The following PALM2AKAP2 variants were observed in gnomAD, a reference collection of about 807,000 sequenced individuals.
The protein encoded by PALM2AKAP2 is PALM2-AKAP2 fusion protein.
PALM2AKAP2 carries 37 observed loss-of-function variants against 71.5 expected under a neutral mutation model. The observed-to-expected ratio is 0.52, with a 90% CI of 0.40 to 0.68. PALM2AKAP2 has a LOEUF of 0.68. Ranked by LOEUF, PALM2AKAP2 falls within the 30% of genes least tolerant of loss-of-function variation. The probability of loss-of-function intolerance (pLI) is 0.00; values close to 1 mark genes in which losing one functional copy is unlikely to be tolerated. For synonymous variants in PALM2AKAP2, 468 were observed against 478.8 expected, an observed-to-expected ratio of 0.98 and a Z score of 0.29; for missense variants, 1,224 against 1,191.8, an observed-to-expected ratio of 1.03 and a Z score of -0.40.
At chr9:109,774,678 C>G (rs1412316788) in intron 1 of PALM2AKAP2, among the ~76,000 whole-genome samples, 1 of 150,914 alleles carries the variant, frequency 6.6e-6, no homozygotes, top group Non-Finnish European at 1.5e-5. Flanking sequence ...AAAAAAAAAG[C>G]CTACATAAAA....
intron 6 of PALM2AKAP2, among the ~76,000 whole-genome samples, chr9:110,011,014 A>AAAAAAAAAAAAT (rs35212981): frequency 2.9e-4 from 20 of 69,582 alleles, no homozygotes; most frequent in African/African-American, 1.6e-3. Context: ...AAAAAAAAAA[A>AAAAAAAAAAAAT]ATATATATAT....
At chr9:109,799,202 G>A (rs1827349969) in intron 1 of PALM2AKAP2, among the ~76,000 whole-genome samples, 1 of 152,270 alleles carries the variant, frequency 6.6e-6, no homozygotes, top group Admixed American at 6.5e-5. Flanking sequence ...GTGTCAGGAA[G>A]TGATGTGAAG....
intron 1 of PALM2AKAP2, among the ~76,000 whole-genome samples, chr9:109,840,083 G>T (rs149734770): frequency 1.3e-5 from 2 of 152,186 alleles, no homozygotes; most frequent in African/African-American, 4.8e-5. Context: ...AAGAACAAAG[G>T]TGGAGGCATC....
At chr9:109,792,456 T>C (rs1478754357) in intron 1 of PALM2AKAP2, among the ~76,000 whole-genome samples, 1 of 152,152 alleles carries the variant, frequency 6.6e-6, no homozygotes, top group African/African-American at 2.4e-5. Context: ...TGTACAGCTC[T>C]CTCAATTTGA....
chr9:109,796,449 G>C (rs976713095), intron 1 of PALM2AKAP2, among the ~76,000 whole-genome samples: 3 of 152,160 alleles, frequency 2.0e-5, no homozygotes, highest in Non-Finnish European at 4.4e-5. Flanking sequence ...GAATGTAAGT[G>C]ATATTTTGAG....
chr9:109,757,395 T>C (rs964159575), intron 1 of PALM2AKAP2, among the ~76,000 whole-genome samples: 5 of 152,116 alleles, frequency 3.3e-5, no homozygotes, highest in African/African-American at 4.8e-5. Context: ...ATAAAAGCCT[T>C]TGATGCCTGG....
chr9:109,837,808 C>A (rs1233379427), intron 1 of PALM2AKAP2, among the ~76,000 whole-genome samples: 1 of 152,162 alleles, frequency 6.6e-6, no homozygotes, highest in Non-Finnish European at 1.5e-5. Flanking sequence ...GTAAAGGGAT[C>A]AATTCAACAA....
At chr9:109,813,863 C>T (rs12003677) in intron 1 of PALM2AKAP2, among the ~76,000 whole-genome samples, 65,144 of 152,070 alleles carry the variant, frequency 0.43, 16,573 homozygotes, top group African/African-American at 0.71. Context: ...GGCAGTGTAA[C>T]ACACCACGCC....
chr9:109,747,741 C>T lies in PALM2AKAP2; in HGVS notation c.6-32747C>T, dbSNP rs571255468. Among the ~76,000 whole-genome samples the T allele has an allele frequency of 2.2e-4, 33 of 152,192 alleles. No homozygotes were observed. The South Asian group carries it at 6.4e-3, about 30-fold the overall frequency. On this transcript the variant is annotated intron_variant, in intron 1 of 6. Coordinates refer to the PALM2AKAP2 transcript ENST00000374531. ...TTGGAGTACAGTGGCATGATCTCGG[C>T]TCACTGCAACCTCCACATCCCAGAC...
At chr9:109,909,552 A>G (rs1830524126) in intron 3 of PALM2AKAP2, among the ~76,000 whole-genome samples, 1 of 152,212 alleles carries the variant, frequency 6.6e-6, no homozygotes, top group Admixed American at 6.5e-5. Flanking sequence ...TGAAAAAGTG[A>G]TGGTAATTAT....
At chr9:109,870,286 T>G (rs1425681930) in intron 2 of PALM2AKAP2, among the ~76,000 whole-genome samples, 2 of 152,220 alleles carry the variant, frequency 1.3e-5, no homozygotes, top group Non-Finnish European at 2.9e-5. Flanking sequence ...AAGGAATATG[T>G]TTCACTTTAA....
intron 6 of PALM2AKAP2, chr9:109,945,354 T>C (rs1409536905): frequency 6.6e-6 from 1 of 152,216 alleles, no homozygotes; most frequent in African/African-American, 2.4e-5. Context: ...TGGTTTTGAA[T>C]AACTGAGGGA....
intron 6 of PALM2AKAP2, among the ~76,000 whole-genome samples, chr9:110,009,105 T>C (rs908593284): frequency 2.0e-5 from 3 of 152,104 alleles, no homozygotes; most frequent in Admixed American, 1.3e-4. Context: ...CGAGAGCAAA[T>C]TTCCACTCTC....
chr9:109,794,224 G>A (rs961929339), intron 1 of PALM2AKAP2, among the ~76,000 whole-genome samples: 6 of 152,056 alleles, frequency 3.9e-5, no homozygotes, highest in African/African-American at 1.4e-4. Context: ...TATATCCTTT[G>A]CTATCTAAGC....
chr9:109,654,514 CT>C (rs1276719961), intron 1 of PALM2AKAP2, among the ~76,000 whole-genome samples: 5 of 152,204 alleles, frequency 3.3e-5, no homozygotes, highest in African/African-American at 9.7e-5. Flanking sequence ...AAAATGATGG[CT>C]CTTCAAACCT....
At chr9:110,053,549 GAAAA>G (rs1289437510) in intron 1 of PALM2AKAP2, among the ~76,000 whole-genome samples, 12 of 114,958 alleles carry the variant, frequency 1.0e-4, no homozygotes, top group East Asian at 5.1e-4. Flanking sequence ...AAAAAAAAAA[GAAAA>G]AAAGAAAGAA....
intron 7 of PALM2AKAP2, among the ~76,000 whole-genome samples, chr9:110,021,096 ACT>A (rs1312313841): frequency 1.3e-5 from 2 of 152,118 alleles, no homozygotes; most frequent in Non-Finnish European, 2.9e-5. Flanking sequence ...ACAGAGTGAG[ACT>A]CTGTCTCAGA....
chr9:110,024,874 A>T (rs561373888), intron 7 of PALM2AKAP2: 66 of 884,542 alleles, frequency 7.5e-5, no homozygotes, highest in Non-Finnish European at 1.2e-4. Flanking sequence ...TATTTTTTAA[A>T]CACCTATTAT....
At chr9:109,881,650 G>T (rs1209742085) in intron 3 of PALM2AKAP2, among the ~76,000 whole-genome samples, 1 of 152,090 alleles carries the variant, frequency 6.6e-6, no homozygotes, top group Admixed American at 6.6e-5. Context: ...CTGTCTGTGG[G>T]CAATAACTGG....
Sources: gnomAD v4.1 joint callset for allele counts (sites outside exome capture counted in the v4.1 genomes callset) on GRCh38, gnomAD v4.1.1 for gene constraint, MANE v1.5 for transcripts, NCBI Gene and HGNC (gene_info 2026-07-23, HGNC 2026-07-21) for gene names.